The following UBE2Q2 variants were observed in gnomAD, a reference collection of about 807,000 sequenced individuals.
The protein encoded by UBE2Q2 is ubiquitin conjugating enzyme E2 Q2, also known as ubiquitin-conjugating enzyme E2 Q2.
A neutral mutation model predicts 59.9 loss-of-function variants in UBE2Q2; 54 were observed. The ratio of observed to expected loss-of-function variants is 0.90; its 90% CI spans 0.72 to 1.13. UBE2Q2 has a LOEUF of 1.13. UBE2Q2 is among the 50% of genes most tolerant of loss of function. The pLI is 0.00. For missense variants in UBE2Q2, 433 were observed against 441.9 expected, an observed-to-expected ratio of 0.98 and a Z score of 0.18; for synonymous variants, 165 against 155.2, an observed-to-expected ratio of 1.06 and a Z score of -0.47.
chr15:75,900,343 T>A lies in UBE2Q2; in HGVS notation c.*885T>A, dbSNP rs1410508806. ...TGTGCAGTTAAGTACAAAAAGATACTTAATTTGGAGACTCTTACAGTAATT... is the reference window on the plus strand; with the variant it reads ...TGTGCAGTTAAGTACAAAAAGATACATAATTTGGAGACTCTTACAGTAATT... On this transcript the variant is annotated 3_prime_UTR_variant, in exon 13 of 13. Transcript: ENST00000267938. 1 of 152,578 alleles carries A rather than the reference T, an allele frequency of 6.6e-6. No homozygotes were observed. Among genetic ancestry groups the A allele is most frequent in the African/African-American group, 2.4e-5 (1 of 41,450 alleles). The allele number at this position is 152,578 out of a possible 1,614,324, so 9.5% of individuals were successfully genotyped here.
At chr15:75,869,115 A>C (rs1897655860) in intron 4 of UBE2Q2, 105 bp downstream of exon 4, 2 of 958,898 alleles carry the variant, frequency 2.1e-6, no homozygotes, top group Admixed American at 4.8e-5. Flanking sequence ...GGAATAATTG[A>C]AAGCACATTG....
At chr15:75,852,171 C>T (rs919296400) in intron 1 of UBE2Q2, among the ~76,000 whole-genome samples, 2 of 152,202 alleles carry the variant, frequency 1.3e-5, no homozygotes, top group Non-Finnish European at 2.9e-5. Flanking sequence ...GCCACCATTC[C>T]CAGCCTTATC....
At position 75,899,753 on chromosome 15, in the gene UBE2Q2, G is replaced by C. The variant is rs1899653548; in HGVS notation, c.*295G>C. ...AAAGTGAACTTTTTAAAGCAGCCAA[G>C]TCAACATCAGGCTACTGAAGTTGAG... On this transcript the variant is annotated 3_prime_UTR_variant, in exon 13 of 13. Coordinates refer to ENST00000267938, the MANE Select transcript of UBE2Q2 (RefSeq NM_173469.4). 5.0e-6 allele frequency: 1 copy of C among 201,586 alleles called. No homozygotes were observed. The highest frequency in any genetic ancestry group is 1.3e-4 in the South Asian group (1 of 7,630). 12.5% of individuals were successfully genotyped at this position (201,586 alleles called of 1,614,324 possible). A position where few individuals can be genotyped will look rare whatever the true frequency, so the allele number is the denominator to read the frequency against.
At chr15:75,896,923 G>A in intron 11 of UBE2Q2, 72 bp from the exon 12 acceptor site, 1 of 904,078 alleles carries the variant, frequency 1.1e-6, no homozygotes, top group Non-Finnish European at 1.7e-6. Flanking sequence ...ACAGTGTGAT[G>A]CATTCATAAA....
At chr15:75,895,888 C>T (rs1297204631) in intron 11 of UBE2Q2, among the ~76,000 whole-genome samples, 1 of 152,022 alleles carries the variant, frequency 6.6e-6, no homozygotes, top group Non-Finnish European at 1.5e-5. Context: ...ACATTTTTAC[C>T]AGTACTCAGC....
At chr15:75,876,413 C>T in intron 6 of UBE2Q2, 142 bp downstream of exon 6, 1 of 725,102 alleles carries the variant, frequency 1.4e-6, no homozygotes, top group Non-Finnish European at 2.1e-6. Flanking sequence ...CAAATGCAAT[C>T]AAGTTCCAAA....
chr15:75,844,554 G>A (rs868594777), intron 1 of UBE2Q2: 3 of 1,506,838 alleles, frequency 2.0e-6, no homozygotes, highest in African/African-American at 1.4e-5. Context: ...TAGGTGAAAG[G>A]AGATACGCGC....
chr15:75,865,705 A>G (rs1029982669), intron 3 of UBE2Q2, among the ~76,000 whole-genome samples: 4 of 151,992 alleles, frequency 2.6e-5, no homozygotes, highest in African/African-American at 9.7e-5. Context: ...TTTAGACTTC[A>G]CTATTGGTGT....
At chr15:75,893,682 A>C (rs1227261050) in intron 11 of UBE2Q2, among the ~76,000 whole-genome samples, 3 of 152,206 alleles carry the variant, frequency 2.0e-5, no homozygotes, top group African/African-American at 7.2e-5. Flanking sequence ...AGATCCATAA[A>C]ATCAGACGAT....
chr15:75,851,678 A>G (rs967612985), intron 1 of UBE2Q2, among the ~76,000 whole-genome samples: 2 of 152,216 alleles, frequency 1.3e-5, no homozygotes, highest in Admixed American at 6.5e-5. Context: ...TTGAAATAAC[A>G]TCGTCAGTTA....
chr15:75,854,537 A>G (rs1896805619), intron 2 of UBE2Q2, 50 bp downstream of exon 2: 3 of 1,141,456 alleles, frequency 2.6e-6, no homozygotes, highest in South Asian at 2.8e-5. Context: ...AACATTACAT[A>G]TAGAAATTAA....
At chr15:75,852,915 C>T (rs1187583697) in intron 1 of UBE2Q2, among the ~76,000 whole-genome samples, 1 of 152,202 alleles carries the variant, frequency 6.6e-6, no homozygotes, top group Admixed American at 6.5e-5. Flanking sequence ...TGGTAAAATG[C>T]TTTAAAAATA....
intron 7 of UBE2Q2, among the ~76,000 whole-genome samples, chr15:75,878,814 T>C (rs1027029566): frequency 4.6e-5 from 7 of 152,058 alleles, no homozygotes; most frequent in Non-Finnish European, 1.5e-5. Context: ...GAGAAAATTA[T>C]ATTCATGTGA....
chr15:75,889,517 T>G (rs958262523), intron 9 of UBE2Q2, among the ~76,000 whole-genome samples: 3 of 151,882 alleles, frequency 2.0e-5, no homozygotes. Flanking sequence ...CAGGCTAGAG[T>G]GGTCTTGGCA....
intron 5 of UBE2Q2, 119 bp from the exon 6 acceptor site, chr15:75,876,065 CAAA>C (rs33923600): frequency 2.2e-3 from 1,160 of 533,178 alleles, no homozygotes; most frequent in Middle Eastern, 3.5e-3. Context: ...ACTCCATCTC[CAAA>C]AAAAAAAAAA....
At chr15:75,861,784 T>C (rs1897218580) in intron 3 of UBE2Q2, among the ~76,000 whole-genome samples, 1 of 152,214 alleles carries the variant, frequency 6.6e-6, no homozygotes, top group African/African-American at 2.4e-5. Context: ...CAAATTTGCC[T>C]ATCTATCACT....
chr15:75,844,410 G>A, intron 1 of UBE2Q2: 1 of 1,551,618 alleles, frequency 6.4e-7, no homozygotes, highest in Non-Finnish European at 8.7e-7. Context: ...GGTGCTGTTT[G>A]AGCGACCCCT....
At chr15:75,892,280 A>G (rs1344884118) in intron 11 of UBE2Q2, among the ~76,000 whole-genome samples, 2 of 152,210 alleles carry the variant, frequency 1.3e-5, no homozygotes, top group South Asian at 2.1e-4. Flanking sequence ...AGGATTCCCA[A>G]AGATTAAAAG....
chr15:75,853,899 C>T (rs762268681), intron 1 of UBE2Q2, among the ~76,000 whole-genome samples: 2 of 152,092 alleles, frequency 1.3e-5, no homozygotes, highest in Non-Finnish European at 2.9e-5. Flanking sequence ...TAATACCTCG[C>T]CATGTAGGTC....
Sources: gnomAD v4.1 joint callset for allele counts (sites outside exome capture counted in the v4.1 genomes callset) on GRCh38, gnomAD v4.1.1 for gene constraint, MANE v1.5 for transcripts, NCBI Gene and HGNC (gene_info 2026-07-23, HGNC 2026-07-21) for gene names.